Variants in NTM observed in about 807,000 individuals in gnomAD.
NTM encodes the protein neurotrimin.
In NTM, 13 loss-of-function variants were observed where a neutral mutation model predicts 42.1. The ratio of observed to expected loss-of-function variants is 0.31; its 90% confidence interval spans 0.20 to 0.49. NTM has a LOEUF of 0.49. NTM is among the 20% of genes least tolerant of loss of function. The probability of loss-of-function intolerance (pLI) is 0.99; values close to 1 mark genes in which losing one functional copy is unlikely to be tolerated. For synonymous variants in NTM, 187 were observed against 179.2 expected, an observed-to-expected ratio of 1.04 and a Z score of -0.35; for missense variants, 373 against 452.8, an observed-to-expected ratio of 0.82 and a Z score of 1.60.
intron 1 of NTM, among the ~76,000 whole-genome samples, chr11:131,378,981 T>A (rs1942309224): frequency 2.0e-5 from 3 of 152,272 alleles, no homozygotes; most frequent in Non-Finnish European, 2.9e-5. Context: ...CTGTGGTGTA[T>A]GCCGGAGTGA....
At chr11:132,322,246 G>A (rs1344169726) in intron 7 of NTM, among the ~76,000 whole-genome samples, 1 of 152,094 alleles carries the variant, frequency 6.6e-6, no homozygotes, top group African/African-American at 2.4e-5. Context: ...ATTGGATAAA[G>A]AGTCAAGACC....
chr11:132,330,420 C>T lies in NTM; in HGVS notation c.967+235C>T, dbSNP rs535800786. On this transcript the variant is annotated intron_variant, in intron 8 of 8. Transcript: ENST00000683400. Reference sequence around the variant, plus strand: ...TAGCCTAACTTCTCTTTGCTGGTGGCACTAATGAGCACCTGTCAGTGCCCA... The same window carrying T: ...TAGCCTAACTTCTCTTTGCTGGTGGTACTAATGAGCACCTGTCAGTGCCCA... 7.2e-5 allele frequency among the ~76,000 whole-genome samples: 11 copies of T among 152,272 alleles called. No individual in the cohort carries two copies. In the South Asian group the frequency reaches 2.3e-3, roughly 32 times the overall value.
intron 1 of NTM, among the ~76,000 whole-genome samples, chr11:131,418,947 G>A (rs1947231030): frequency 1.3e-5 from 2 of 152,230 alleles, no homozygotes; most frequent in South Asian, 4.2e-4. Context: ...ATTGCCAAGT[G>A]GGGAGAGATA....
At chr11:132,117,330 G>A (rs1418047742) in intron 2 of NTM, among the ~76,000 whole-genome samples, 1 of 152,180 alleles carries the variant, frequency 6.6e-6, no homozygotes, top group Non-Finnish European at 1.5e-5. Context: ...AGAAAAGTGT[G>A]TCAGTCTTCA....
At chr11:131,558,134 C>A (rs1288735298) in intron 1 of NTM, among the ~76,000 whole-genome samples, 1 of 152,188 alleles carries the variant, frequency 6.6e-6, no homozygotes, top group Admixed American at 6.5e-5. Flanking sequence ...CCATTCTGTG[C>A]AAGGCGGATG....
intron 1 of NTM, among the ~76,000 whole-genome samples, chr11:131,793,697 C>T (rs2091226242): frequency 1.3e-5 from 2 of 152,172 alleles, no homozygotes; most frequent in Non-Finnish European, 2.9e-5. Flanking sequence ...TGTCACGCTT[C>T]CCACCTCCCA....
chr11:132,065,062 G>A (rs980063187), intron 2 of NTM, among the ~76,000 whole-genome samples: 12 of 152,312 alleles, frequency 7.9e-5, no homozygotes, highest in South Asian at 4.1e-4. Context: ...CCACTGGTTT[G>A]TCTGTGCACA....
chr11:132,310,295 T>G, intron 6 of NTM, 63 bp downstream of exon 6: 1 of 1,477,428 alleles, frequency 6.8e-7, no homozygotes. Context: ...TTTTCCAGGG[T>G]CCTGATTCCA....
At chr11:131,925,285 GAGAT>G (rs1272141268) in intron 2 of NTM, among the ~76,000 whole-genome samples, 3 of 151,202 alleles carry the variant, frequency 2.0e-5, no homozygotes, top group Non-Finnish European at 4.4e-5. Context: ...ACACACTAAA[GAGAT>G]AGATAGGATG....
chr11:131,409,496 T>A (rs1946148039), intron 1 of NTM, among the ~76,000 whole-genome samples: 1 of 152,164 alleles, frequency 6.6e-6, no homozygotes, highest in African/African-American at 2.4e-5. Context: ...GCAAGGACTC[T>A]ACTGAGACTG....
intron 2 of NTM, among the ~76,000 whole-genome samples, chr11:132,048,420 A>G (rs1030281982): frequency 6.6e-6 from 1 of 152,184 alleles, no homozygotes; most frequent in African/African-American, 2.4e-5. Context: ...AGCACCAAGA[A>G]TAGAGGGGCC....
At chr11:132,180,986 G>A (rs1414430221) in intron 3 of NTM, among the ~76,000 whole-genome samples, 1 of 152,212 alleles carries the variant, frequency 6.6e-6, no homozygotes, top group Non-Finnish European at 1.5e-5. Flanking sequence ...TTTAGGCTAT[G>A]TATTTAACTT....
At chr11:131,911,375 A>G in intron 1 of NTM, 189 bp from the exon 2 acceptor site, 4 of 1,559,190 alleles carry the variant, frequency 2.6e-6, no homozygotes, top group Non-Finnish European at 3.5e-6. Flanking sequence ...CCGCGGGTTC[A>G]CCGCTCAGTC....
At chr11:132,309,767 T>C (rs1038139958) in intron 5 of NTM, among the ~76,000 whole-genome samples, 12 of 152,156 alleles carry the variant, frequency 7.9e-5, no homozygotes, top group Admixed American at 4.6e-4. Context: ...CTTCTTCATT[T>C]TAAAATGCTG....
intron 1 of NTM, among the ~76,000 whole-genome samples, chr11:131,897,488 A>G (rs2052489726): frequency 1.3e-5 from 2 of 152,226 alleles, no homozygotes; most frequent in South Asian, 4.1e-4. Context: ...AAAAGGTGCA[A>G]TGACTTTTGC....
At chr11:132,275,293 C>T (rs1195812194) in intron 4 of NTM, among the ~76,000 whole-genome samples, 1 of 151,936 alleles carries the variant, frequency 6.6e-6, no homozygotes, top group East Asian at 1.9e-4. Flanking sequence ...ATTGAAGGGA[C>T]TATCTTTTTA....
chr11:131,413,753 G>A (rs577926486), intron 1 of NTM, among the ~76,000 whole-genome samples: 208 of 152,286 alleles, frequency 1.4e-3, no homozygotes, highest in African/African-American at 3.1e-3. Context: ...TGTTCCTGCC[G>A]TGTGGGCAGC....
rs558552294 is a variant in NTM, at chr11:132,301,909, C to A, written c.527-5780C>A. On this transcript the variant is annotated intron_variant, in intron 4 of 8. Coordinates refer to ENST00000683400, the MANE Select transcript of NTM (RefSeq NM_001352005.2). ...AGCTGTGTCCTCTCCTCTCCAGTAG[C>A]TACAGCTGTACTCCTGACAAGCTTA... is the stretch of plus-strand genomic sequence containing the variant. Among the ~76,000 whole-genome samples the A allele has an allele frequency of 3.9e-5, 6 of 152,336 alleles. No individual in the cohort carries two copies. In the East Asian group the frequency reaches 1.2e-3, roughly 29 times the overall value.
chr11:131,606,592 G>A (rs557519834), intron 1 of NTM, among the ~76,000 whole-genome samples: 2 of 152,256 alleles, frequency 1.3e-5, no homozygotes, highest in African/African-American at 2.4e-5. Context: ...GATTTCAGTG[G>A]CCAAGACAAA....
Sources: gnomAD v4.1 joint callset for allele counts (sites outside exome capture counted in the v4.1 genomes callset) on GRCh38, gnomAD v4.1.1 for gene constraint, MANE v1.5 for transcripts, NCBI Gene and HGNC (gene_info 2026-07-23, HGNC 2026-07-21) for gene names.